The following RANGRF variants were observed in gnomAD, a reference collection of about 807,000 sequenced individuals.
The protein encoded by RANGRF is MOG1 homolog.
In RANGRF, 17 loss-of-function variants were observed where a neutral mutation model predicts 21.8. The observed-to-expected ratio is 0.78, with a 90% CI of 0.53 to 1.17. The LOEUF (loss-of-function observed/expected upper bound fraction) is 1.17. Ranked by LOEUF, RANGRF falls within the 50% of genes most tolerant of loss-of-function variation. The probability of loss-of-function intolerance (pLI) is 0.00; values close to 1 mark genes in which losing one functional copy is unlikely to be tolerated. For synonymous variants in RANGRF, 97 were observed against 94.3 expected, an observed-to-expected ratio of 1.03 and a Z score of -0.17; for missense variants, 225 against 235.5, an observed-to-expected ratio of 0.96 and a Z score of 0.29.
chr17:8,288,793 A>G lies in RANGRF; in HGVS notation c.5A>G (p.Glu2Gly), dbSNP rs763301510. Reference sequence around the variant, plus strand: ...CCATAACCCAGCCTCAGACCCATGGAGCCCACGAGAGACTGCCCGCTGTTC... The same window carrying G: ...CCATAACCCAGCCTCAGACCCATGGGGCCCACGAGAGACTGCCCGCTGTTC... M[E>G]PTRDCPLFGG... The change falls in exon 1 of 5, where the codon GAG becomes GGG. Residue 2 changes from glutamate to glycine, a missense_variant. Transcript: ENST00000226105. 2.3e-5 allele frequency: 37 copies of G among 1,613,954 alleles called. No homozygotes were observed. The highest frequency in any genetic ancestry group is 3.1e-5 in the Non-Finnish European group (37 of 1,180,050).
chr17:8,289,153 G>C lies in RANGRF; in HGVS notation c.194+81G>C. On this transcript the variant is annotated intron_variant, in intron 2 of 4. Transcript: ENST00000226105. ...GGGGCCCGCGGCCGACGGTTAATCC[G>C]GGCGGTGAGACCACGCACGGGCCGG... 3 of 1,601,292 alleles carry C rather than the reference G, an allele frequency of 1.9e-6. No homozygotes were observed. The East Asian group carries it at 6.7e-5, about 36-fold the overall frequency.
intron 2 of RANGRF, 56 bp downstream of exon 2, chr17:8,289,128 G>C: frequency 6.2e-7 from 1 of 1,602,700 alleles, no homozygotes; most frequent in Non-Finnish European, 8.5e-7. Flanking sequence ...ACCAGTGGGC[G>C]GGGCCCGCGG....
Position 8,288,941 on chromosome 17 carries a change from C to T in RANGRF, c.78-15C>T. Reference sequence around the variant, plus strand: ...GAGACCGGGGTCAACCAGGGTCTGCCTCGCCTCACTCCAGCGACCTCCGAC... The same window carrying T: ...GAGACCGGGGTCAACCAGGGTCTGCTTCGCCTCACTCCAGCGACCTCCGAC... On this transcript the variant is annotated splice_polypyrimidine_tract_variant and intron_variant, in intron 1 of 4. Transcript: ENST00000226105. 3 of 1,613,998 alleles carry T rather than the reference C, an allele frequency of 1.9e-6. No individual in the cohort carries two copies. The highest frequency in any genetic ancestry group is 1.3e-5 in the African/African-American group (1 of 75,036).
chr17:8,289,160 G>A, intron 2 of RANGRF, 88 bp downstream of exon 2: 1 of 1,601,944 alleles, frequency 6.2e-7, no homozygotes, highest in East Asian at 2.2e-5. Context: ...TCCGGGCGGT[G>A]AGACCACGCA....
In RANGRF at chr17:8,290,029, C is replaced by T. The variant is rs1045310820; in HGVS notation, c.*93C>T. 6.2e-7 allele frequency: 1 copy of T among 1,602,474 alleles called. No homozygotes were observed. The highest frequency in any genetic ancestry group is 1.3e-5 in the African/African-American group (1 of 74,516). On this transcript the variant is annotated 3_prime_UTR_variant, in exon 5 of 5. Coordinates refer to ENST00000226105, the MANE Select transcript of RANGRF (RefSeq NM_016492.5). The stretch of plus-strand genomic sequence containing the variant: ...TTGAAAAGAGGGTTTCCTCTTATTT[C>T]TTCCCTGTGCGTAAACATAAGACAA...
chr17:8,289,175 C>T, intron 2 of RANGRF, 83 bp from the exon 3 acceptor site: 1 of 1,601,804 alleles, frequency 6.2e-7, no homozygotes. Flanking sequence ...CACGCACGGG[C>T]CGGGAGCCAG....
intron 4 of RANGRF, 41 bp from the exon 5 acceptor site, chr17:8,289,772 C>G (rs777309036): frequency 1.2e-6 from 2 of 1,613,648 alleles, no homozygotes; most frequent in South Asian, 2.2e-5. Context: ...AAACCTCAGG[C>G]CTGGATGATG....
intron 4 of RANGRF, 66 bp from the exon 5 acceptor site, chr17:8,289,747 G>A (rs1990333104): frequency 6.2e-7 from 1 of 1,613,850 alleles, no homozygotes; most frequent in South Asian, 1.1e-5. Context: ...TGGGGAACAG[G>A]AATTGGCAAT....
chr17:8,289,443 G>T (rs756094184), intron 3 of RANGRF, 29 bp downstream of exon 3: 12 of 1,614,070 alleles, frequency 7.4e-6, no homozygotes, highest in Non-Finnish European at 9.3e-6. Flanking sequence ...GTAATGTCCT[G>T]GAAGGGCGGT....
rs1653117818 is a variant in RANGRF at position 8,289,241 on chromosome 17, C to G, written c.195-17C>G. The G allele has an allele frequency of 6.2e-7, 1 of 1,612,698 alleles. No homozygotes were observed. The highest frequency in any genetic ancestry group is 1.3e-5 in the African/African-American group (1 of 74,866). On this transcript the variant is annotated splice_polypyrimidine_tract_variant and intron_variant, in intron 2 of 4. Transcript: ENST00000226105. ...CGACCAGAGATGTCCCTTCCTGACC[C>G]CGCTTCCCTACTCCAGGTACCACTT... is the stretch of plus-strand genomic sequence containing the variant.
rs973126905 is a variant in RANGRF at position 8,289,131 on chromosome 17, G to C, written c.194+59G>C. 3 of 1,602,330 alleles carry C rather than the reference G, an allele frequency of 1.9e-6. No homozygotes were observed. The Admixed American group carries it at 5.0e-5, about 27-fold the overall frequency. ...GGGCGGGGTCGGACCAGTGGGCGGG[G>C]CCCGCGGCCGACGGTTAATCCGGGC... On this transcript the variant is annotated intron_variant, in intron 2 of 4. Coordinates refer to ENST00000226105, the MANE Select transcript of RANGRF (RefSeq NM_016492.5).
At position 8,288,989 on chromosome 17, in the gene RANGRF, T is replaced by C; in HGVS notation, c.111T>C (p.Val37=). ...GACCGGTCCCGGACAATCAAGAAGT[T>C]TTCTGCCATCCCGTGACGGACCAGA... The part of the protein sequence containing the change: ...DLRPVPDNQE[V]FCHPVTDQSL... Residue 37 remains valine (V), a synonymous_variant, in exon 2 of 5, where the codon GTT becomes GTC. Transcript: ENST00000226105. The C allele has an allele frequency of 6.2e-7, 1 of 1,614,106 alleles. No homozygotes were observed. The highest frequency in any genetic ancestry group is 8.5e-7 in the Non-Finnish European group (1 of 1,180,028).
In RANGRF at chr17:8,289,372, G is replaced by A. The variant is rs1183934999; in HGVS notation, c.309G>A (p.Trp103Ter). Reference sequence around the variant, plus strand: ...TGAGGGGCCGCTGTCAAGAAGCCTGGGTCCTCTCTGGCAAGCAGCAGATAG... The same window carrying A: ...TGAGGGGCCGCTGTCAAGAAGCCTGAGTCCTCTCTGGCAAGCAGCAGATAG... ...LALRGRCQEA[W>*]VLSGKQQIAK... The change falls in exon 3 of 5, where the codon TGG becomes TGA. Residue 103 changes from tryptophan to a stop codon, truncating the protein, a stop_gained. Coordinates refer to ENST00000226105, the MANE Select transcript of RANGRF (RefSeq NM_016492.5). LOFTEE classifies it high-confidence loss of function. 6.2e-7 allele frequency: 1 copy of A among 1,614,022 alleles called. No individual in the cohort carries two copies. The highest frequency in any genetic ancestry group is 8.5e-7 in the Non-Finnish European group (1 of 1,180,022).
Position 8,288,735 on chromosome 17 carries a change from C to G in RANGRF, c.-54C>G. 1 of 1,591,284 alleles carries G rather than the reference C, an allele frequency of 6.3e-7. No individual in the cohort carries two copies. The highest frequency in any genetic ancestry group is 8.6e-7 in the Non-Finnish European group (1 of 1,159,706). On this transcript the variant is annotated 5_prime_UTR_variant, in exon 1 of 5. Coordinates refer to ENST00000226105, the MANE Select transcript of RANGRF (RefSeq NM_016492.5). The stretch of plus-strand genomic sequence containing the variant: ...ACCCAGGGAGCCGATGCCACGTGAC[C>G]CAATGTGGACTTCTTTTAAACCTTT...
chr17:8,289,982 GT>G lies in RANGRF; in HGVS notation c.*48del. The G allele has an allele frequency of 2.5e-6, 4 of 1,612,330 alleles. No individual in the cohort carries two copies. The highest frequency in any genetic ancestry group is 8.5e-7 in the Non-Finnish European group (1 of 1,178,426). On this transcript the variant is annotated 3_prime_UTR_variant, in exon 5 of 5. Coordinates refer to ENST00000226105, the MANE Select transcript of RANGRF (RefSeq NM_016492.5). ...ATGTTGCTGAGAACTTGGGGACTCG[GT>G]TCTGTGAGGGGGAAAAGAGGTTGAA...
At position 8,288,765 on chromosome 17, in the gene RANGRF, T is replaced by C; in HGVS notation, c.-24T>C. 2 of 1,613,442 alleles carry C rather than the reference T, an allele frequency of 1.2e-6. No homozygotes were observed. The highest frequency in any genetic ancestry group is 1.7e-6 in the Non-Finnish European group (2 of 1,179,620). ...GTGGACTTCTTTTAAACCTTTCTAATGCCCATAACCCAGCCTCAGACCCAT... is the reference window on the plus strand; with the variant it reads ...GTGGACTTCTTTTAAACCTTTCTAACGCCCATAACCCAGCCTCAGACCCAT... On this transcript the variant is annotated 5_prime_UTR_variant, in exon 1 of 5. It removes an upstream start codon present in the reference 5' UTR. Coordinates refer to ENST00000226105, the MANE Select transcript of RANGRF (RefSeq NM_016492.5).
chr17:8,289,883 C>T lies in RANGRF; in HGVS notation c.508C>T (p.Gln170Ter), dbSNP rs1020655405. 1 of 1,614,148 alleles carries T rather than the reference C, an allele frequency of 6.2e-7. No individual in the cohort carries two copies. The highest frequency in any genetic ancestry group is 8.5e-7 in the Non-Finnish European group (1 of 1,180,040). Residue 170 changes from glutamine (Q) to a stop codon, truncating the protein, a stop_gained, in exon 5 of 5, where the codon CAG becomes TAG. Coordinates refer to ENST00000226105, the MANE Select transcript of RANGRF (RefSeq NM_016492.5). LOFTEE classifies it high-confidence loss of function. Reference sequence around the variant, plus strand: ...ACCCTGGAGCCTGGGTGACTTTGAACAGCTGGTGACCAGTCTGACCCTTCA... The same window carrying T: ...ACCCTGGAGCCTGGGTGACTTTGAATAGCTGGTGACCAGTCTGACCCTTCA... ...PAPWSLGDFEQLVTSLTLHDP... is the reference protein window; with the variant it reads ...PAPWSLGDFE
intron 4 of RANGRF, 33 bp downstream of exon 4, chr17:8,289,621 A>G (rs770678556): frequency 1.2e-6 from 2 of 1,608,228 alleles, no homozygotes; most frequent in Non-Finnish European, 1.7e-6. Flanking sequence ...GTATCTCATG[A>G]CTGGGTTCCC....
In RANGRF at chr17:8,288,818, CG is replaced by C. The variant is rs760106238; in HGVS notation, c.35del (p.Gly12AlafsTer14). Reference protein sequence around the residue: MEPTRDCPLFGGAFSAILPMG... With the variant: MEPTRDCPLFXGAFSAILPMG... ...AGCCCACGAGAGACTGCCCGCTGTT[CG>C]GGGGCGCCTTTTCCGCCATCCTCCC... On this transcript the variant is annotated frameshift_variant, in exon 1 of 5. Coordinates refer to ENST00000226105, the MANE Select transcript of RANGRF (RefSeq NM_016492.5). LOFTEE classifies it high-confidence loss of function. The C allele has an allele frequency of 6.2e-7, 1 of 1,614,064 alleles. No individual in the cohort carries two copies. The highest frequency in any genetic ancestry group is 1.3e-5 in the African/African-American group (1 of 74,946).
Sources: allele counts gnomAD v4.1 joint callset, GRCh38; gene constraint gnomAD v4.1.1; transcripts MANE v1.5; gene names NCBI Gene and HGNC (gene_info 2026-07-23, HGNC 2026-07-21).